Variants in ADI1 observed in about 807,000 individuals in gnomAD.
ADI1 encodes the protein acireductone dioxygenase.
ADI1 carries 21 observed loss-of-function variants against 18.7 expected under a neutral mutation model. That is an observed-to-expected ratio of 1.13 (90% CI 0.80 to 1.62). The LOEUF is 1.62. ADI1 is among the 40% of genes most tolerant of loss of function. The pLI is 0.00. For synonymous variants in ADI1, 90 were observed against 100.1 expected, an observed-to-expected ratio of 0.90 and a Z score of 0.60; for missense variants, 245 against 254.9, an observed-to-expected ratio of 0.96 and a Z score of 0.26.
At chr2:3,516,775 G>A (rs376144828) in intron 1 of ADI1, 2 of 985,278 alleles carry the variant, frequency 2.0e-6, no homozygotes, top group Non-Finnish European at 2.4e-6. Flanking sequence ...TATGACAAAA[G>A]GTTTTTTAGA....
At chr2:3,516,661 C>T (rs980097801) in intron 1 of ADI1, 1 of 873,120 alleles carries the variant, frequency 1.1e-6, no homozygotes, top group South Asian at 5.3e-5. Flanking sequence ...CTATAAATTG[C>T]TGTTGTTTAT....
chr2:3,516,973 G>A (rs895835315), intron 1 of ADI1: 75 of 978,362 alleles, frequency 7.7e-5, no homozygotes, highest in South Asian at 4.7e-4. Context: ...GCAATCTGCC[G>A]CCTCAGCCTC....
Position 3,499,027 on chromosome 2 carries a change from T to C in ADI1, c.476A>G (p.Asn159Ser), listed in dbSNP as rs1188667265. 1.2e-6 allele frequency: 2 copies of C among 1,614,032 alleles called. No homozygotes were observed. Among genetic ancestry groups the C allele is most frequent in the Non-Finnish European group, 1.7e-6 (2 of 1,179,986 alleles). The change falls in exon 4 of 4, where the codon AAC becomes AGC. Residue 159 changes from asparagine (N) to serine (S), a missense_variant. Coordinates refer to ENST00000327435, the MANE Select transcript of ADI1 (RefSeq NM_018269.4). ...GGCTTCAAAATGGTCAGCGGGCCGG[T>C]TGTACGCTGTCCACACCGGTTCTCC... ...FVGEPVWTAY[N>S]RPADHFEARG...
intron 1 of ADI1, among the ~76,000 whole-genome samples, chr2:3,518,061 A>C (rs1273936462): frequency 1.3e-5 from 2 of 152,216 alleles, no homozygotes; most frequent in Non-Finnish European, 1.5e-5. Flanking sequence ...TAAACATAAT[A>C]AGTCAAAATT....
At chr2:3,517,985 C>G (rs1230349367) in intron 1 of ADI1, among the ~76,000 whole-genome samples, 2 of 152,204 alleles carry the variant, frequency 1.3e-5, no homozygotes, top group African/African-American at 4.8e-5. Flanking sequence ...TTCTTAAAAC[C>G]GTCAAATGCA....
At chr2:3,504,144 T>C (rs11891087) in intron 2 of ADI1, among the ~76,000 whole-genome samples, 73,862 of 151,830 alleles carry the variant, frequency 0.49, 21,014 homozygotes, top group African/African-American at 0.81. Context: ...CGGACGCCGA[T>C]TTCACCCAGG....
chr2:3,500,766 A>G (rs756255752), intron 3 of ADI1, 48 bp downstream of exon 3: 12 of 1,611,078 alleles, frequency 7.4e-6, no homozygotes, highest in Non-Finnish European at 1.0e-5. Flanking sequence ...TGCCACGGCC[A>G]GGGCCACCAC....
At chr2:3,512,241 C>CAGG (rs1467319576) in intron 2 of ADI1, among the ~76,000 whole-genome samples, 2 of 152,162 alleles carry the variant, frequency 1.3e-5, no homozygotes, top group Non-Finnish European at 2.9e-5. Context: ...GGCTGACAGC[C>CAGG]AAGACAATGG....
intron 3 of ADI1, chr2:3,500,454 G>T: frequency 2.5e-6 from 1 of 394,650 alleles, no homozygotes; most frequent in East Asian, 4.5e-5. Flanking sequence ...AACACGGGCT[G>T]GGGTGACAAC....
intron 1 of ADI1, chr2:3,514,928 T>C (rs1041574895): frequency 1.3e-6 from 2 of 1,507,814 alleles, no homozygotes; most frequent in Admixed American, 2.2e-5. Flanking sequence ...TCTCAAATAA[T>C]ACTTTTATAA....
chr2:3,507,570 GAAGA>G (rs1295100248), intron 2 of ADI1, among the ~76,000 whole-genome samples: 3 of 151,484 alleles, frequency 2.0e-5, no homozygotes, highest in African/African-American at 4.8e-5. Context: ...TAAAAGTGAA[GAAGA>G]AATAAAGACT....
Sources: gnomAD v4.1 joint callset for allele counts (sites outside exome capture counted in the v4.1 genomes callset) on GRCh38, gnomAD v4.1.1 for gene constraint, MANE v1.5 for transcripts, NCBI Gene and HGNC (gene_info 2026-07-23, HGNC 2026-07-21) for gene names.